The following DZIP1L variants were observed in gnomAD, a reference collection of about 807,000 sequenced individuals.
DZIP1L encodes the protein DAZ interacting zinc finger protein 1 like, also known as cilium assembly protein DZIP1L.
In DZIP1L, 90 loss-of-function variants were observed where a neutral mutation model predicts 88.7. The ratio of observed to expected loss-of-function variants is 1.02; its 90% CI spans 0.86 to 1.21. DZIP1L has a LOEUF of 1.21. Among genes scored for constraint, DZIP1L ranks in the 50% most tolerant of loss-of-function variants. The pLI, the probability that DZIP1L is intolerant of heterozygous loss-of-function variation, is 0.00. For missense variants in DZIP1L, 932 were observed against 955.8 expected (o/e 0.98, Z 0.33); for synonymous variants, 363 against 372.1 (o/e 0.98, Z 0.28).
chr3:138,088,597 T>C (rs1944062715), intron 5 of DZIP1L, 90 bp from the exon 6 acceptor site: 1 of 1,456,986 alleles, frequency 6.9e-7, no homozygotes, highest in Non-Finnish European at 9.1e-7. Context: ...GGGGCACGCC[T>C]TACCCAACTC....
intron 1 of DZIP1L, among the ~76,000 whole-genome samples, chr3:138,113,671 C>G (rs1250786127): frequency 6.6e-6 from 1 of 152,178 alleles, no homozygotes; most frequent in Non-Finnish European, 1.5e-5. Flanking sequence ...TGAAGTACTG[C>G]CACTGCAGAG....
intron 3 of DZIP1L, 152 bp from the exon 4 acceptor site, chr3:138,095,135 CCT>C (rs1944411061): frequency 6.0e-6 from 7 of 1,166,138 alleles, no homozygotes; most frequent in Admixed American, 2.6e-5. Flanking sequence ...CCTCCCTGTC[CCT>C]CTGTTTCCCC....
Position 138,063,121 on chromosome 3 carries a change from C to T in DZIP1L, c.2143-144G>A. Reference sequence around the variant, plus strand: ...AGAAAGCAATAGGGAGATGCTACTCCTCCTGACTTCTCAAGTCTTCCTGCC... The same window carrying T: ...AGAAAGCAATAGGGAGATGCTACTCTTCCTGACTTCTCAAGTCTTCCTGCC... On this transcript the variant is annotated intron_variant, in intron 15 of 15. Coordinates refer to ENST00000327532, the MANE Select transcript of DZIP1L (RefSeq NM_173543.3). The surrounding 1 kb of genome is among the most constrained non-coding windows in gnomAD (Gnocchi z 4.1). 1.1e-6 allele frequency: 1 copy of T among 878,320 alleles called. No homozygotes were observed. Among genetic ancestry groups the T allele is most frequent in the Non-Finnish European group, 1.7e-6 (1 of 584,706 alleles). The allele number at this position is 878,320 out of a possible 1,614,324, so 54.4% of individuals were successfully genotyped here.
intron 11 of DZIP1L, 53 bp downstream of exon 11, chr3:138,077,444 ACT>A: frequency 6.2e-7 from 1 of 1,604,478 alleles, no homozygotes; most frequent in African/African-American, 1.3e-5. Flanking sequence ...GTCTGAGAAC[ACT>A]TAGTGTCTAA....
chr3:138,070,295 C>T (rs1437612651), intron 12 of DZIP1L, among the ~76,000 whole-genome samples: 2 of 152,164 alleles, frequency 1.3e-5, no homozygotes, highest in Non-Finnish European at 2.9e-5. Flanking sequence ...AATGAATGAA[C>T]ATTTGACTGA....
intron 14 of DZIP1L, among the ~76,000 whole-genome samples, chr3:138,065,088 A>C (rs1177681035): frequency 6.6e-6 from 1 of 152,240 alleles, no homozygotes; most frequent in Non-Finnish European, 1.5e-5. Context: ...GAACTGTATC[A>C]CTAACATGCA....
chr3:138,077,582 G>T lies in DZIP1L; in HGVS notation c.1339C>A (p.Arg447Ser), dbSNP rs114974820. 3.7e-6 allele frequency: 6 copies of T among 1,614,042 alleles called. No homozygotes were observed. The highest frequency in any genetic ancestry group is 5.1e-6 in the Non-Finnish European group (6 of 1,180,034). The stretch of plus-strand genomic sequence containing the variant: ...AAGTGCTTCAGCAAAGTGGGGTTAC[G>T]CCTCAGAGCTGCCAGCACCTTGTGC... ...EQHKVLAALR[R>S]NPTLLKHFRP... The change falls in exon 11 of 16, where the codon CGT (arginine) becomes AGT (serine). Residue 447 changes from arginine to serine, a missense_variant. By Grantham distance (110) the Arg-to-Ser change is moderately radical. Coordinates refer to ENST00000327532, the MANE Select transcript of DZIP1L (RefSeq NM_173543.3).
At chr3:138,081,670 A>C in intron 9 of DZIP1L, 64 bp downstream of exon 9, 1 of 1,522,516 alleles carries the variant, frequency 6.6e-7, no homozygotes, top group Non-Finnish European at 8.9e-7. Context: ...GAGAGGGAAA[A>C]GGAGGGAGAA....
Position 138,097,762 on chromosome 3 carries a change from C to T in DZIP1L, c.586+1G>A, listed in dbSNP as rs1944548550. On this transcript the variant is annotated splice_donor_variant, in intron 3 of 15. Coordinates refer to ENST00000327532, the MANE Select transcript of DZIP1L (RefSeq NM_173543.3). LOFTEE classifies it high-confidence loss of function. ...GGGCCCGGGCTGCTGTCTGGACTCA[C>T]CACCTTCTGCCACGCCTGCATGCCT... 2.5e-6 allele frequency: 4 copies of T among 1,609,566 alleles called. No homozygotes were observed. Among genetic ancestry groups the T allele is most frequent in the Non-Finnish European group, 3.4e-6 (4 of 1,178,104 alleles).
At chr3:138,097,019 A>T (rs903511495) in intron 3 of DZIP1L, among the ~76,000 whole-genome samples, 2 of 152,018 alleles carry the variant, frequency 1.3e-5, no homozygotes, top group African/African-American at 4.8e-5. Context: ...ATCTCTATGA[A>T]AAATTTTTAA....
At chr3:138,081,432 C>T (rs1448669804) in intron 9 of DZIP1L, among the ~76,000 whole-genome samples, 2 of 152,180 alleles carry the variant, frequency 1.3e-5, no homozygotes, top group African/African-American at 2.4e-5. Context: ...TCGCTGCAGG[C>T]ATGGTGAATT....
intron 1 of DZIP1L, chr3:138,112,314 G>C (rs1010762126): frequency 6.6e-6 from 1 of 152,110 alleles, no homozygotes; most frequent in African/African-American, 2.4e-5. Flanking sequence ...TAATAATTAT[G>C]ATAATTATAA....
At chr3:138,093,604 T>C (rs938389300) in intron 4 of DZIP1L, among the ~76,000 whole-genome samples, 1 of 152,346 alleles carries the variant, frequency 6.6e-6, no homozygotes, top group Admixed American at 6.5e-5. Flanking sequence ...TTTAGTACAG[T>C]CACCTTCATC....
rs1259354762 is a variant in DZIP1L, at chr3:138,063,515, G to A, written c.2143-538C>T. ...GCAGGACAGCTCAGAGTCAGCCAAG[G>A]GACCAGGCCACCCCCTGACCACAGC... On this transcript the variant is annotated intron_variant, in intron 15 of 15. Transcript: ENST00000327532. The surrounding 1 kb of genome is among the most constrained non-coding windows in gnomAD (Gnocchi z 4.1). 6.6e-6 allele frequency among the ~76,000 whole-genome samples: 1 copy of A among 152,184 alleles called. No homozygotes were observed. Among genetic ancestry groups the A allele is most frequent in the East Asian group, 1.9e-4 (1 of 5,184 alleles).
At position 138,071,626 on chromosome 3, in the gene DZIP1L, C is replaced by T; in HGVS notation, c.1615+17G>A. 1 of 1,605,870 alleles carries T rather than the reference C, an allele frequency of 6.2e-7. No individual in the cohort carries two copies. Among genetic ancestry groups the T allele is most frequent in the Non-Finnish European group, 8.5e-7 (1 of 1,175,592 alleles). On this transcript the variant is annotated intron_variant, in intron 12 of 15. Transcript: ENST00000327532. Reference sequence around the variant, plus strand: ...CTTACAGGTCACAGCCCTGAGCAAGCCCTCTCCCCAGTGTACCTGAAGGCT... The same window carrying T: ...CTTACAGGTCACAGCCCTGAGCAAGTCCTCTCCCCAGTGTACCTGAAGGCT...
intron 7 of DZIP1L, among the ~76,000 whole-genome samples, chr3:138,084,919 C>T (rs948028349): frequency 1.7e-4 from 26 of 152,230 alleles, no homozygotes; most frequent in Admixed American, 1.4e-3. Context: ...TCAGGTTTGT[C>T]AAAGATCAGA....
chr3:138,112,517 G>C (rs916113971), intron 1 of DZIP1L: 15 of 152,106 alleles, frequency 9.9e-5, no homozygotes, highest in Non-Finnish European at 4.4e-5. Context: ...AGGATAGGCG[G>C]ACAAAAAGCC....
At chr3:138,079,644 T>C (rs1016420527) in intron 10 of DZIP1L, among the ~76,000 whole-genome samples, 3 of 152,210 alleles carry the variant, frequency 2.0e-5, no homozygotes, top group African/African-American at 7.2e-5. Context: ...ACAGTGAAAC[T>C]TCTGGAGAGG....
At chr3:138,071,468 C>A (rs2107743924) in intron 12 of DZIP1L, among the ~76,000 whole-genome samples, 175 bp downstream of exon 12, 1 of 152,350 alleles carries the variant, frequency 6.6e-6, no homozygotes, top group East Asian at 1.9e-4. Flanking sequence ...GATCCTATTT[C>A]CTCAACAGAG....
Sources: gnomAD v4.1 joint callset for allele counts (sites outside exome capture counted in the v4.1 genomes callset) on GRCh38, gnomAD v4.1.1 for gene constraint, Gnocchi (gnomAD v3.1) non-coding constraint, MANE v1.5 for transcripts, NCBI Gene and HGNC (gene_info 2026-07-23, HGNC 2026-07-21) for gene names.